Variants in ERH observed in about 807,000 individuals in gnomAD.
The protein encoded by ERH is enhancer of rudimentary homolog.
A neutral mutation model predicts 16.8 loss-of-function variants in ERH; 1 was observed. The observed-to-expected ratio is 0.06, with a 90% CI of 0.02 to 0.28. The LOEUF (loss-of-function observed/expected upper bound fraction) is 0.28. ERH is among the 10% of genes least tolerant of loss of function. The probability of loss-of-function intolerance (pLI) is 1.00; values close to 1 mark genes in which losing one functional copy is unlikely to be tolerated. For synonymous variants in ERH, 43 were observed against 43.6 expected, an observed-to-expected ratio of 0.99 and a Z score of 0.05; for missense variants, 42 against 127.5, an observed-to-expected ratio of 0.33 and a Z score of 3.23.
chr14:69,386,918 A>G, intron 3 of ERH, 45 bp downstream of exon 3: 1 of 1,599,650 alleles, frequency 6.3e-7, no homozygotes, highest in African/African-American at 1.3e-5. Flanking sequence ...CAGACAGAAA[A>G]GCAATAGAAA....
At chr14:69,381,560 G>A in intron 3 of ERH, among the ~76,000 whole-genome samples, 1 of 152,086 alleles carries the variant, frequency 6.6e-6, no homozygotes, top group East Asian at 1.9e-4. Flanking sequence ...ACTCCAATGG[G>A]ACTGTGAGTA....
intron 1 of ERH, 135 bp from the exon 2 acceptor site, chr14:69,395,047 C>A (rs1882302720): frequency 1.5e-6 from 1 of 666,724 alleles, no homozygotes; most frequent in Non-Finnish European, 2.6e-6. Context: ...GGCATGGCAT[C>A]CCATGCCTAT....
chr14:69,385,487 T>C (rs1187926754), intron 3 of ERH, among the ~76,000 whole-genome samples: 1 of 152,040 alleles, frequency 6.6e-6, no homozygotes, highest in Non-Finnish European at 1.5e-5. Context: ...GATTGAACTG[T>C]CCAAGAGCCA....
At chr14:69,381,244 C>G (rs958302340) in intron 3 of ERH, among the ~76,000 whole-genome samples, 3 of 152,136 alleles carry the variant, frequency 2.0e-5, no homozygotes, top group African/African-American at 7.2e-5. Flanking sequence ...CCACTGCACT[C>G]CTGTGAGTGA....
At chr14:69,398,104 C>A (rs1882411788) in intron 1 of ERH, 127 bp downstream of exon 1, 1 of 1,190,300 alleles carries the variant, frequency 8.4e-7, no homozygotes, top group Non-Finnish European at 1.2e-6. Context: ...GTCAATCCAC[C>A]GACTAGAGTG....
intron 3 of ERH, among the ~76,000 whole-genome samples, chr14:69,382,024 A>G (rs2045866554): frequency 6.6e-6 from 1 of 152,224 alleles, no homozygotes; most frequent in Non-Finnish European, 1.5e-5. Flanking sequence ...AAGGCTTTAA[A>G]AAGTGAAGCA....
Position 69,398,238 on chromosome 14 carries a change from C to T in ERH, c.-5G>A. On this transcript the variant is annotated 5_prime_UTR_variant, in exon 1 of 4. Transcript: ENST00000557016. ...CGCGGAGGCCTTTCTCACCATCGCG[C>T]CAAACTCTCTTCGCTACAGCAGCTG... 1 of 1,614,040 alleles carries T rather than the reference C, an allele frequency of 6.2e-7. No homozygotes were observed. Among genetic ancestry groups the T allele is most frequent in the Non-Finnish European group, 8.5e-7 (1 of 1,179,998 alleles).
At chr14:69,382,596 G>A (rs2045868985) in intron 3 of ERH, among the ~76,000 whole-genome samples, 1 of 152,004 alleles carries the variant, frequency 6.6e-6, no homozygotes, top group African/African-American at 2.4e-5. Flanking sequence ...CACTTTGGGA[G>A]GCTGAGGCAG....
chr14:69,392,782 G>A (rs943653818), intron 2 of ERH, among the ~76,000 whole-genome samples: 3 of 152,170 alleles, frequency 2.0e-5, no homozygotes, highest in African/African-American at 4.8e-5. Context: ...TTGTGTAGGG[G>A]TGAAGAAAGA....
chr14:69,384,849 C>G (rs1215509094), intron 3 of ERH, among the ~76,000 whole-genome samples: 2 of 152,156 alleles, frequency 1.3e-5, no homozygotes, highest in Non-Finnish European at 2.9e-5. Flanking sequence ...AATTTCATAT[C>G]CAGTGGATGA....
chr14:69,397,572 T>TA (rs1216224529), intron 1 of ERH, among the ~76,000 whole-genome samples: 1 of 136,056 alleles, frequency 7.3e-6, no homozygotes, highest in African/African-American at 3.8e-5. Flanking sequence ...CGAGAATAGT[T>TA]AGACAACCCT....
At chr14:69,392,693 C>G (rs1882245564) in intron 2 of ERH, among the ~76,000 whole-genome samples, 2 of 152,146 alleles carry the variant, frequency 1.3e-5, no homozygotes, top group Admixed American at 1.3e-4. Flanking sequence ...TACTTAATGA[C>G]AATGTATCAG....
At position 69,380,647 on chromosome 14, in the gene ERH, A is replaced by G. The variant is rs756591756; in HGVS notation, c.213-7T>C. ...CTGGGTATCAGCTCGGTAACTGAGG[A>G]GAGAAAGGGAATAAGCAAAGTCACA... On this transcript the variant is annotated splice_polypyrimidine_tract_variant and splice_region_variant and intron_variant, in intron 3 of 3. Coordinates refer to ENST00000557016, the MANE Select transcript of ERH (RefSeq NM_004450.3). 2 of 1,559,716 alleles carry G rather than the reference A, an allele frequency of 1.3e-6. No individual in the cohort carries two copies. The highest frequency in any genetic ancestry group is 3.4e-5 in the Admixed American group (2 of 59,452).
Position 69,392,835 on chromosome 14 carries a change from G to C in ERH, c.91+1990C>G, listed in dbSNP as rs114558950. Among the ~76,000 whole-genome samples, 478 of 152,298 alleles carry C rather than the reference G, an allele frequency of 3.1e-3. 4 individuals carry two copies. The highest frequency in any genetic ancestry group is 0.011 in the African/African-American group (464 of 41,570). ...CTGTAGTTTCTGTTCAATTTTTCTA[G>C]AACCCTGAAACTGCCCTGAGAAATA... On this transcript the variant is annotated intron_variant, in intron 2 of 3. Transcript: ENST00000557016.
chr14:69,387,105 A>T lies in ERH; in HGVS notation c.92-22T>A, dbSNP rs116464054. 5.4e-4 allele frequency: 871 copies of T among 1,609,418 alleles called. 5 individuals carry two copies. In the African/African-American group the frequency reaches 0.011, roughly 20 times the overall value. On this transcript the variant is annotated intron_variant, in intron 2 of 3. Transcript: ENST00000557016. ...ACACCTAAGAAAGGATAGGAAAAAA[A>T]GCAAAATCTTACAATCGCATACACT...
At chr14:69,389,169 G>A (rs1049582352) in intron 2 of ERH, among the ~76,000 whole-genome samples, 1 of 152,212 alleles carries the variant, frequency 6.6e-6, no homozygotes, top group Non-Finnish European at 1.5e-5. Flanking sequence ...TGAGATTACA[G>A]GTGTGTGCCA....
rs765863657 is a variant in ERH, at chr14:69,398,272, G to A, written c.-39C>T. On this transcript the variant is annotated 5_prime_UTR_variant, in exon 1 of 4. Coordinates refer to ENST00000557016, the MANE Select transcript of ERH (RefSeq NM_004450.3). ...CTTCGCTACAGCAGCTGCCGACACC[G>A]CCGCCGTTACACGAGCTTAACTACA... 1.9e-6 allele frequency: 3 copies of A among 1,613,184 alleles called. No individual in the cohort carries two copies. Among genetic ancestry groups the A allele is most frequent in the Admixed American group, 1.7e-5 (1 of 59,942 alleles).
At chr14:69,390,044 C>T (rs2140232281) in intron 2 of ERH, among the ~76,000 whole-genome samples, 1 of 152,002 alleles carries the variant, frequency 6.6e-6, no homozygotes, top group Admixed American at 6.5e-5. Context: ...CAGGTGTGAG[C>T]CACCACGCCA....
chr14:69,384,030 TATGTC>T (rs1415848448), intron 3 of ERH, among the ~76,000 whole-genome samples: 1 of 152,160 alleles, frequency 6.6e-6, no homozygotes, highest in Non-Finnish European at 1.5e-5. Context: ...AAAGTTATGT[TATGTC>T]ATTAATGACA....
Sources: allele counts gnomAD v4.1 joint callset (sites outside exome capture counted in the v4.1 genomes callset), GRCh38; gene constraint gnomAD v4.1.1; transcripts MANE v1.5; gene names NCBI Gene and HGNC (gene_info 2026-07-23, HGNC 2026-07-21).